NBR1: variants seen among roughly 807,000 people sequenced by gnomAD.
NBR1 encodes NBR1 autophagy cargo receptor.
NBR1 carries 59 observed loss-of-function variants against 115.5 expected under a neutral mutation model. The ratio of observed to expected loss-of-function variants is 0.51; its 90% CI spans 0.41 to 0.63. NBR1 has a LOEUF of 0.63. NBR1 is among the 30% of genes least tolerant of loss of function. The pLI is 0.00. For synonymous variants in NBR1, 373 were observed against 414.7 expected (o/e 0.90, Z 1.22); for missense variants, 1,043 against 1,150.5 (o/e 0.91, Z 1.35).
At chr17:43,207,822 A>G (rs576473521) in intron 20 of NBR1, among the ~76,000 whole-genome samples, 2 of 152,324 alleles carry the variant, frequency 1.3e-5, no homozygotes, top group South Asian at 4.1e-4. Flanking sequence ...TGATCCATAG[A>G]TGAGGAACCC....
At chr17:43,185,687 A>G (rs1026585075) in intron 5 of NBR1, among the ~76,000 whole-genome samples, 3 of 152,098 alleles carry the variant, frequency 2.0e-5, no homozygotes, top group Non-Finnish European at 2.9e-5. Flanking sequence ...GCAAATTGCC[A>G]TCTCAAAAAA....
At chr17:43,185,385 A>G (rs1291219397) in intron 5 of NBR1, among the ~76,000 whole-genome samples, 3 of 152,138 alleles carry the variant, frequency 2.0e-5, no homozygotes, top group African/African-American at 7.2e-5. Flanking sequence ...GGGCAACATC[A>G]TGAAATTTCA....
intron 16 of NBR1, among the ~76,000 whole-genome samples, chr17:43,198,455 C>T (rs2057117446): frequency 6.6e-6 from 1 of 151,614 alleles, no homozygotes; most frequent in Non-Finnish European, 1.5e-5. Flanking sequence ...GAGTTTGAGA[C>T]CAGCCTGACC....
chr17:43,207,289 T>C (rs1170821899), intron 20 of NBR1, among the ~76,000 whole-genome samples: 1 of 152,218 alleles, frequency 6.6e-6, no homozygotes, highest in Non-Finnish European at 1.5e-5. Context: ...AATCCATAGA[T>C]GCTTAAGTCC....
At chr17:43,209,689 TAC>T (rs2057381377) in intron 20 of NBR1, 1 of 1,535,246 alleles carries the variant, frequency 6.5e-7, no homozygotes, top group African/African-American at 1.4e-5. Flanking sequence ...CTCCTTCAAG[TAC>T]ACAGATAACT....
At chr17:43,178,768 C>CTT (rs770102583) in intron 3 of NBR1, among the ~76,000 whole-genome samples, 19 of 127,198 alleles carry the variant, frequency 1.5e-4, no homozygotes, top group East Asian at 1.4e-3. Flanking sequence ...AATGGCTAAG[C>CTT]TTTTTTTTTT....
At chr17:43,201,941 A>C (rs1882465391) in intron 18 of NBR1, among the ~76,000 whole-genome samples, 161 bp downstream of exon 18, 3 of 151,802 alleles carry the variant, frequency 2.0e-5, no homozygotes, top group African/African-American at 7.3e-5. Flanking sequence ...ACACTTTGGG[A>C]GGCCAAGGCA....
rs973505836 is a variant in NBR1, at chr17:43,196,986, G to A, written c.1906G>A (p.Val636Met). 1 of 1,613,902 alleles carries A rather than the reference G, an allele frequency of 6.2e-7. No individual in the cohort carries two copies. Among genetic ancestry groups the A allele is most frequent in the Non-Finnish European group, 8.5e-7 (1 of 1,179,886 alleles). ...VKRKAENIAS[V>M]EEAEEDLSGT... ...GAGGAAGGCTGAGAACATTGCTTCT[G>A]TGGAGGAAGCAGAAGAAGACCTGAG... is the stretch of plus-strand genomic sequence containing the variant. Residue 636 changes from valine (V) to methionine (M), a missense_variant, in exon 16 of 21, where the codon GTG (valine) becomes ATG (methionine). Physicochemically the swap from Val to Met is conservative, Grantham distance 21. Coordinates refer to ENST00000590996, the MANE Select transcript of NBR1 (RefSeq NM_005899.5).
intron 5 of NBR1, among the ~76,000 whole-genome samples, chr17:43,183,310 T>G (rs1252461775): frequency 6.6e-6 from 1 of 151,676 alleles, no homozygotes. Flanking sequence ...AACCTCCACC[T>G]CCCGGGTTCA....
At position 43,177,917 on chromosome 17, in the gene NBR1, ATATG is replaced by A; in HGVS notation, c.103-15_103-12del. ...TGTGTACATTATAACCTGCCTTTAAATATGTATCTCTTTTATAGGTAAAAGTTTC... is the reference window on the plus strand; with the variant it reads ...TGTGTACATTATAACCTGCCTTTAAATATCTCTTTTATAGGTAAAAGTTTC... On this transcript the variant is annotated splice_polypyrimidine_tract_variant and intron_variant, in intron 2 of 20. Transcript: ENST00000590996. 2 of 1,488,534 alleles carry A rather than the reference ATATG, an allele frequency of 1.3e-6. No homozygotes were observed. The highest frequency in any genetic ancestry group is 1.8e-6 in the Non-Finnish European group (2 of 1,099,782). 92.2% of individuals were successfully genotyped at this position (1,488,534 alleles called of 1,614,324 possible).
intron 6 of NBR1, 24 bp from the exon 7 acceptor site, chr17:43,189,018 A>G (rs750013291): frequency 6.5e-7 from 1 of 1,546,026 alleles, no homozygotes; most frequent in Non-Finnish European, 8.9e-7. Flanking sequence ...AACCTCTAAC[A>G]TCTCGGCTTG....
At chr17:43,178,061 T>C (rs2056567500) in intron 3 of NBR1, 63 bp downstream of exon 3, 1 of 1,517,336 alleles carries the variant, frequency 6.6e-7, no homozygotes, top group Non-Finnish European at 9.0e-7. Context: ...TCTCCAGTGA[T>C]ATGGGCTTTA....
intron 1 of NBR1, among the ~76,000 whole-genome samples, chr17:43,172,870 G>C (rs2056410634): frequency 6.6e-6 from 1 of 152,134 alleles, no homozygotes; most frequent in Non-Finnish European, 1.5e-5. Flanking sequence ...CTGTCGCCCA[G>C]GCTGGAGTGC....
chr17:43,188,249 G>A (rs1012042110), intron 6 of NBR1, among the ~76,000 whole-genome samples: 17 of 152,214 alleles, frequency 1.1e-4, no homozygotes, highest in African/African-American at 3.9e-4. Flanking sequence ...TTTGTTGGCC[G>A]AATAAATGTC....
chr17:43,201,954 C>T (rs1402670368), intron 18 of NBR1, among the ~76,000 whole-genome samples, 174 bp downstream of exon 18: 2 of 151,746 alleles, frequency 1.3e-5, no homozygotes, highest in African/African-American at 2.4e-5. Flanking sequence ...CCAAGGCAGG[C>T]GGATCATAGG....
intron 2 of NBR1, among the ~76,000 whole-genome samples, chr17:43,177,019 C>A (rs1006806321): frequency 6.6e-6 from 1 of 152,066 alleles, no homozygotes; most frequent in African/African-American, 2.4e-5. Flanking sequence ...GCCTAGAATC[C>A]CAGCACTTTG....
At position 43,177,848 on chromosome 17, in the gene NBR1, GTTGT is replaced by G. The variant is rs2056560018; in HGVS notation, c.103-83_103-80del. The G allele has an allele frequency of 6.8e-6, 8 of 1,184,640 alleles. No homozygotes were observed. In the South Asian group the frequency reaches 1.5e-4, roughly 22 times the overall value. 73.4% of individuals were successfully genotyped at this position (1,184,640 alleles called of 1,614,324 possible). On this transcript the variant is annotated intron_variant, in intron 2 of 20. Transcript: ENST00000590996. ...TTGTTATGGGTTATTAAGGTTGTTT[GTTGT>G]TTGTCTTTTGATTTTGTGGGTTTTT...
chr17:43,199,382 CTT>C (rs543878715), intron 16 of NBR1, among the ~76,000 whole-genome samples: 5 of 142,732 alleles, frequency 3.5e-5, no homozygotes, highest in Non-Finnish European at 3.1e-5. Context: ...GCCTGGGTAG[CTT>C]TTTTTTTTTT....
At chr17:43,179,871 C>T (rs2056619107) in intron 4 of NBR1, among the ~76,000 whole-genome samples, 1 of 145,930 alleles carries the variant, frequency 6.9e-6, no homozygotes, top group African/African-American at 2.5e-5. Flanking sequence ...TTAATTTAAT[C>T]AGGTGAAATG....
Sources: allele counts gnomAD v4.1 joint callset (sites outside exome capture counted in the v4.1 genomes callset), GRCh38; gene constraint gnomAD v4.1.1; transcripts MANE v1.5; gene names NCBI Gene and HGNC (gene_info 2026-07-23, HGNC 2026-07-21).